Variants in AGT observed in about 807,000 individuals in gnomAD.
The protein encoded by AGT is alpha-1 antiproteinase, antitrypsin.
A neutral mutation model predicts 28.1 loss-of-function variants in AGT; 26 were observed. The ratio of observed to expected loss-of-function variants is 0.92; its 90% CI spans 0.68 to 1.28. The LOEUF is 1.28. Ranked by LOEUF, AGT falls within the 50% of genes most tolerant of loss-of-function variation. AGT has a pLI of 0.00. For synonymous variants in AGT, 259 were observed against 259.6 expected, an observed-to-expected ratio of 1.00 and a Z score of 0.02; for missense variants, 596 against 592.3, an observed-to-expected ratio of 1.01 and a Z score of -0.06.
At chr1:230,742,605 G>A (rs1251787876) in intron 1 of AGT, among the ~76,000 whole-genome samples, 2 of 152,160 alleles carry the variant, frequency 1.3e-5, no homozygotes, top group East Asian at 3.9e-4. Flanking sequence ...GTGAGCCACT[G>A]CACCCGGCCA....
chr1:230,718,368 A>T (rs973074213), upstream of AGT, among the ~76,000 whole-genome samples: 1 of 152,192 alleles, frequency 6.6e-6, no homozygotes, highest in Admixed American at 6.5e-5. Flanking sequence ...ATCATCTCAC[A>T]GTTACTCATT....
At position 230,735,351 on chromosome 1, in the gene AGT, T is replaced by C. The variant is rs1316651157; in HGVS notation, c.-31+10164A>G. On this transcript the variant is annotated intron_variant, in intron 1 of 4. Coordinates refer to the AGT transcript ENST00000681269. ...GTTTCACCTTCCAAAGTGTCGTTAGTTACCTCAAGAAGGGTCATCAACTTC... is the reference window on the plus strand; with the variant it reads ...GTTTCACCTTCCAAAGTGTCGTTAGCTACCTCAAGAAGGGTCATCAACTTC... Among the ~76,000 whole-genome samples, 4 of 152,220 alleles carry C rather than the reference T, an allele frequency of 2.6e-5. No homozygotes were observed. The South Asian group carries it at 8.3e-4, about 32-fold the overall frequency.
chr1:230,736,278 C>T (rs1488003267), intron 1 of AGT, among the ~76,000 whole-genome samples: 1 of 152,050 alleles, frequency 6.6e-6, no homozygotes, highest in Non-Finnish European at 1.5e-5. Context: ...AATCCCAGCA[C>T]TTTGGGAGGC....
At chr1:230,705,798 C>T in intron 3 of AGT, 135 bp downstream of exon 3, 4 of 1,157,032 alleles carry the variant, frequency 3.5e-6, no homozygotes, top group Non-Finnish European at 5.1e-6. Flanking sequence ...GCCGCCTGCC[C>T]AGCCCCGTGC....
upstream of AGT, among the ~76,000 whole-genome samples, chr1:230,716,167 C>A (rs1013618874): frequency 2.0e-5 from 3 of 152,128 alleles, no homozygotes; most frequent in African/African-American, 7.2e-5. Flanking sequence ...GGATCTTCTA[C>A]GTAAGGCTTT....
At position 230,706,140 on chromosome 1, in the gene AGT, G is replaced by A; in HGVS notation, c.890C>T (p.Thr297Ile). The part of the protein sequence containing the change: ...EPQEFWVDNS[T>I]SVSVPMLSGM... ...AGAGAGCATGGGAACAGACACTGAG[G>A]TGCTGTTGTCCACCCAGAACTCCTG... Residue 297 changes from threonine to isoleucine, a missense_variant, in exon 3 of 5, where the codon ACC becomes ATC. Transcript: ENST00000366667. 6.2e-7 allele frequency: 1 copy of A among 1,614,072 alleles called. No homozygotes were observed. Among genetic ancestry groups the A allele is most frequent in the Non-Finnish European group, 8.5e-7 (1 of 1,179,992 alleles).
chr1:230,712,358 G>A (rs1663618147), intron 1 of AGT, among the ~76,000 whole-genome samples: 1 of 152,018 alleles, frequency 6.6e-6, no homozygotes, highest in Non-Finnish European at 1.5e-5. Context: ...GTTTTGTTCT[G>A]CTTCAGTCAT....
intron 1 of AGT, among the ~76,000 whole-genome samples, chr1:230,737,368 A>G (rs758521553): frequency 6.6e-6 from 1 of 152,084 alleles, no homozygotes; most frequent in Non-Finnish European, 1.5e-5. Context: ...CTGGAGTGCC[A>G]TGATGTGATC....
chr1:230,741,598 G>A lies in AGT; in HGVS notation c.-31+3917C>T, dbSNP rs541296742. ...TGGTTCATGAATGAGTGCCCACTAGGACAGGGGTGAAACTAGGAGTGTTCC... is the reference window on the plus strand; with the variant it reads ...TGGTTCATGAATGAGTGCCCACTAGAACAGGGGTGAAACTAGGAGTGTTCC... On this transcript the variant is annotated intron_variant, in intron 1 of 4. Transcript: ENST00000681269. Among the ~76,000 whole-genome samples, 28 of 152,340 alleles carry A rather than the reference G, an allele frequency of 1.8e-4. 1 individual carries two copies. Among genetic ancestry groups the A allele is most frequent in the African/African-American group, 6.7e-4 (28 of 41,588 alleles).
rs181999958 is a variant in AGT at position 230,709,788 on chromosome 1, C to A, written c.829+207G>T. Among the ~76,000 whole-genome samples the A allele has an allele frequency of 1.7e-3, 252 of 152,298 alleles. 2 individuals are homozygous for A. The highest frequency in any genetic ancestry group is 1.0e-3 in the Non-Finnish European group (71 of 68,022). On this transcript the variant is annotated intron_variant, in intron 2 of 4. Transcript: ENST00000366667. ...TGTAAGAAAAAGGATGTTGTATAGT[C>A]GTGCACATAGTAGGGCAGCAGGTCC...
rs139390571 is a variant in AGT at position 230,730,777 on chromosome 1, C to T, written c.-31+14738G>A. On this transcript the variant is annotated intron_variant, in intron 1 of 4. Transcript: ENST00000681269. ...GGAGATTTTGTTTTCCATTATACTT[C>T]TCCAACAGTGCCCACAGCTGTTGAA... Among the ~76,000 whole-genome samples, 828 of 152,318 alleles carry T rather than the reference C, an allele frequency of 5.4e-3. 3 individuals carry two copies. The highest frequency in any genetic ancestry group is 0.014 in the Middle Eastern group (4 of 294).
In AGT at chr1:230,743,874, G is replaced by C. The variant is rs956343736; in HGVS notation, c.-31+1641C>G. ...AACAAGAAGAAGAGAAACAAAGGGA[G>C]TTCGCCACAGGCCTGAGTGTGGAGG... is the stretch of plus-strand genomic sequence containing the variant. On this transcript the variant is annotated intron_variant, in intron 1 of 4. Transcript: ENST00000681269. Among the ~76,000 whole-genome samples the C allele has an allele frequency of 4.6e-5, 7 of 152,342 alleles. No individual in the cohort carries two copies. In the East Asian group the frequency reaches 1.3e-3, roughly 29 times the overall value.
At chr1:230,735,007 C>T (rs964577832) in intron 1 of AGT, among the ~76,000 whole-genome samples, 5 of 152,138 alleles carry the variant, frequency 3.3e-5, no homozygotes, top group African/African-American at 1.2e-4. Flanking sequence ...AGCCATCGCG[C>T]CCGGCCATAA....
chr1:230,718,578 C>G (rs926252089), upstream of AGT, among the ~76,000 whole-genome samples: 2 of 144,748 alleles, frequency 1.4e-5, no homozygotes, highest in African/African-American at 2.7e-5. Context: ...TATTCTCTAT[C>G]TCTGTATATT....
chr1:230,707,136 G>A (rs766411614), intron 2 of AGT, among the ~76,000 whole-genome samples: 7 of 152,220 alleles, frequency 4.6e-5, no homozygotes, highest in Non-Finnish European at 8.8e-5. Context: ...TCACAGGGCC[G>A]TGCAGATGAC....
intron 1 of AGT, among the ~76,000 whole-genome samples, chr1:230,733,200 T>C (rs1407840357): frequency 2.0e-5 from 3 of 151,894 alleles, no homozygotes; most frequent in Non-Finnish European, 4.4e-5. Flanking sequence ...GGAGAATCAC[T>C]TAAACCTGGG....
At chr1:230,710,985 A>T (rs1663574233) in intron 1 of AGT, 132 bp from the exon 2 acceptor site, 10 of 1,207,272 alleles carry the variant, frequency 8.3e-6, no homozygotes, top group Non-Finnish European at 1.2e-5. Context: ...ATGTCTACAA[A>T]AAAAAGAAGA....
intron 1 of AGT, among the ~76,000 whole-genome samples, chr1:230,740,280 A>G (rs892906967): frequency 5.9e-5 from 9 of 152,158 alleles, no homozygotes; most frequent in Non-Finnish European, 1.2e-4. Context: ...GGGTTTTGGC[A>G]GCTTCTTTAC....
At chr1:230,728,872 G>A (rs956520436) in intron 1 of AGT, among the ~76,000 whole-genome samples, 52 of 152,188 alleles carry the variant, frequency 3.4e-4, no homozygotes, top group African/African-American at 1.2e-3. Flanking sequence ...TCTCATGGGA[G>A]TAGAGAATCC....
Sources: gnomAD v4.1 joint callset for allele counts (sites outside exome capture counted in the v4.1 genomes callset) on GRCh38, gnomAD v4.1.1 for gene constraint, MANE v1.5 for transcripts, NCBI Gene and HGNC (gene_info 2026-07-23, HGNC 2026-07-21) for gene names.